NHSL1: variants seen among roughly 807,000 people sequenced by gnomAD.
NHSL1 encodes the protein NHS like 1.
Under a neutral mutation model 95.0 loss-of-function variants are expected in NHSL1, and 48 were observed. That is an observed-to-expected ratio of 0.51 (90% confidence interval 0.40 to 0.64). NHSL1 has a LOEUF of 0.64. Among genes scored for constraint, NHSL1 ranks in the 30% least tolerant of loss-of-function variants. The probability of loss-of-function intolerance (pLI) is 0.00; values close to 1 mark genes in which losing one functional copy is unlikely to be tolerated. For missense variants in NHSL1, 1,971 were observed against 2,077.7 expected (o/e 0.95, Z 1.00); for synonymous variants, 783 against 833.9 (o/e 0.94, Z 1.05).
chr6:138,485,727 T>C (rs75319141), intron 2 of NHSL1, among the ~76,000 whole-genome samples: 1,884 of 152,328 alleles, frequency 0.012, 49 homozygotes, highest in African/African-American at 0.043. Flanking sequence ...TCTGCTCTTT[T>C]CTTTTTCTCA....
At position 138,432,024 on chromosome 6, in the gene NHSL1, G is replaced by A; in HGVS notation, c.2321C>T (p.Ser774Leu). The stretch of plus-strand genomic sequence containing the variant: ...ATAACCCCAGGGGTCCGTGTACTCT[G>A]ACTTGACGCTGCTTGTGTCACTCTG... The part of the protein sequence containing the change: ...PSQSDTSSVK[S>L]EYTDPWGYYI... The change falls in exon 6 of 8, where the codon TCA (serine) becomes TTA (leucine). Residue 774 changes from serine (S) to leucine (L), a missense_variant. Transcript: ENST00000343505. The surrounding 1 kb of genome is among the most constrained non-coding windows in gnomAD (Gnocchi z 4.4). The A allele has an allele frequency of 6.4e-7, 1 of 1,551,742 alleles. No homozygotes were observed. Among genetic ancestry groups the A allele is most frequent in the Non-Finnish European group, 8.7e-7 (1 of 1,146,998 alleles).
At chr6:138,491,602 C>T (rs1780081842) in intron 2 of NHSL1, among the ~76,000 whole-genome samples, 1 of 152,170 alleles carries the variant, frequency 6.6e-6, no homozygotes, top group African/African-American at 2.4e-5. Context: ...AAAGGGTAGA[C>T]TTCTTCTGGA....
At chr6:138,687,911 G>A (rs1329223507) in intron 1 of NHSL1, among the ~76,000 whole-genome samples, 1 of 152,064 alleles carries the variant, frequency 6.6e-6, no homozygotes, top group African/African-American at 2.4e-5. Flanking sequence ...TGTGGTAATG[G>A]TTGCACAACT....
chr6:138,620,445 G>A (rs987907163), intron 1 of NHSL1, among the ~76,000 whole-genome samples: 9 of 152,112 alleles, frequency 5.9e-5, no homozygotes, highest in African/African-American at 2.2e-4. Context: ...AAGGGGTAAG[G>A]ACAGAACTTC....
intron 1 of NHSL1, among the ~76,000 whole-genome samples, chr6:138,687,093 G>A (rs550211955): frequency 7.8e-4 from 118 of 152,026 alleles, no homozygotes; most frequent in African/African-American, 2.6e-3. Context: ...TGCCAATTTC[G>A]CCAAACATTT....
At chr6:138,557,175 C>T (rs1379910172) in intron 1 of NHSL1, among the ~76,000 whole-genome samples, 2 of 152,152 alleles carry the variant, frequency 1.3e-5, no homozygotes, top group Non-Finnish European at 2.9e-5. Flanking sequence ...TACTTTATTC[C>T]ACCGTACCAA....
chr6:138,591,452 T>C (rs896703844), intron 1 of NHSL1, among the ~76,000 whole-genome samples: 1 of 152,206 alleles, frequency 6.6e-6, no homozygotes, highest in African/African-American at 2.4e-5. Flanking sequence ...CTCACAATGT[T>C]GTCCAGGCTG....
intron 1 of NHSL1, among the ~76,000 whole-genome samples, chr6:138,595,495 G>A (rs191243582): frequency 1.1e-4 from 16 of 152,336 alleles, no homozygotes; most frequent in Admixed American, 2.0e-4. Flanking sequence ...AGGATCACTT[G>A]TGCCCCGGGA....
chr6:138,525,271 A>G (rs1442481612), intron 1 of NHSL1, among the ~76,000 whole-genome samples: 1 of 152,150 alleles, frequency 6.6e-6, no homozygotes, highest in Admixed American at 6.5e-5. Flanking sequence ...TATGCCTATA[A>G]TCCCAGCACT....
intron 3 of NHSL1, among the ~76,000 whole-genome samples, chr6:138,448,487 G>C (rs944764557): frequency 3.3e-5 from 5 of 152,112 alleles, no homozygotes; most frequent in African/African-American, 1.2e-4. Context: ...TGTACAACCA[G>C]CACCCAGTTC....
chr6:138,425,184 G>A (rs184437916), intron 7 of NHSL1, among the ~76,000 whole-genome samples: 7 of 152,218 alleles, frequency 4.6e-5, no homozygotes, highest in African/African-American at 9.6e-5. Flanking sequence ...TCTGCCTCCC[G>A]GATTCAAGCG....
intron 2 of NHSL1, among the ~76,000 whole-genome samples, chr6:138,490,879 G>T (rs777077035): frequency 6.6e-6 from 1 of 152,158 alleles, no homozygotes; most frequent in African/African-American, 2.4e-5. Flanking sequence ...TGATCCGCCC[G>T]CCTTGGCCTC....
chr6:138,533,588 T>C (rs1782223959), intron 1 of NHSL1, among the ~76,000 whole-genome samples: 1 of 152,220 alleles, frequency 6.6e-6, no homozygotes, highest in Non-Finnish European at 1.5e-5. Context: ...CACATTTAAA[T>C]GATGATTTAC....
rs1215849489 is a variant in NHSL1 at position 138,675,962 on chromosome 6, TATTACA to T, written c.96+16508_96+16513del. On this transcript the variant is annotated intron_variant, in intron 1 of 3. Transcript: ENST00000491526. ...GAAATATGGTTTTTAGGAAGAAATATATTACAAGTTCAAAATAACTTAAAAATTAAC... is the reference window on the plus strand; with the variant it reads ...GAAATATGGTTTTTAGGAAGAAATATAGTTCAAAATAACTTAAAAATTAAC... Among the ~76,000 whole-genome samples, 5 of 152,210 alleles carry T rather than the reference TATTACA, an allele frequency of 3.3e-5. 1 individual carries two copies. Among genetic ancestry groups the T allele is most frequent in the African/African-American group, 1.2e-4 (5 of 41,448 alleles).
Position 138,433,509 on chromosome 6 carries a change from A to G in NHSL1, c.836T>C (p.Ile279Thr), listed in dbSNP as rs777824588. ...VKVVPPSMRRIRAQKGQGIAA... is the reference protein window; with the variant it reads ...VKVVPPSMRRTRAQKGQGIAA... Reference sequence around the variant, plus strand: ...AATGCCTTGCCCCTTCTGTGCCCTGATTCTCCTCATGGAAGGTGGTACGAC... The same window carrying G: ...AATGCCTTGCCCCTTCTGTGCCCTGGTTCTCCTCATGGAAGGTGGTACGAC... Residue 279 changes from isoleucine to threonine, a missense_variant, in exon 6 of 8, where the codon ATC becomes ACC. Transcript: ENST00000343505. 85 of 1,551,864 alleles carry G rather than the reference A, an allele frequency of 5.5e-5. No individual in the cohort carries two copies. Among genetic ancestry groups the G allele is most frequent in the Non-Finnish European group, 7.3e-5 (84 of 1,147,080 alleles).
At chr6:138,656,715 G>A (rs933084490) in intron 1 of NHSL1, among the ~76,000 whole-genome samples, 1 of 152,172 alleles carries the variant, frequency 6.6e-6, no homozygotes, top group Non-Finnish European at 1.5e-5. Flanking sequence ...AATTTGTGGT[G>A]CTGAGAACCT....
At chr6:138,571,459 G>A (rs920140277) in intron 1 of NHSL1, 3 of 446,748 alleles carry the variant, frequency 6.7e-6, no homozygotes, top group Non-Finnish European at 1.2e-5. Flanking sequence ...CTGATGGAGG[G>A]AGGGAGGCTG....
chr6:138,655,561 A>C (rs1486412471), intron 1 of NHSL1, among the ~76,000 whole-genome samples: 4 of 152,238 alleles, frequency 2.6e-5, no homozygotes, highest in Non-Finnish European at 4.4e-5. Flanking sequence ...TAACTAGTTT[A>C]CAACACTAAG....
At chr6:138,579,048 G>A (rs1012252482) in intron 1 of NHSL1, among the ~76,000 whole-genome samples, 2 of 152,202 alleles carry the variant, frequency 1.3e-5, no homozygotes, top group African/African-American at 4.8e-5. Context: ...CTCATAAGCA[G>A]TGTGCAACCT....
Sources: gnomAD v4.1 joint callset for allele counts (sites outside exome capture counted in the v4.1 genomes callset) on GRCh38, gnomAD v4.1.1 for gene constraint, Gnocchi (gnomAD v3.1) non-coding constraint, MANE v1.5 for transcripts, NCBI Gene and HGNC (gene_info 2026-07-23, HGNC 2026-07-21) for gene names.